The following ZNF253 variants were observed in gnomAD, a reference collection of about 807,000 sequenced individuals.
ZNF253 encodes zinc finger protein 253.
ZNF253 carries 8 observed loss-of-function variants against 11.9 expected under a neutral mutation model. The observed-to-expected ratio is 0.67, with a 90% CI of 0.40 to 1.22. The LOEUF is 1.22. Ranked by LOEUF, ZNF253 falls within the 50% of genes most tolerant of loss-of-function variation. The pLI is 0.01. For missense variants in ZNF253, 485 were observed against 586.9 expected, an observed-to-expected ratio of 0.83 and a Z score of 1.79; for synonymous variants, 194 against 194.9, an observed-to-expected ratio of 1.00 and a Z score of 0.04.
At chr19:19,872,577 A>ATATATATATATATATATATATATATATAT (rs1555777035) in intron 1 of ZNF253, among the ~76,000 whole-genome samples, 1 of 106,828 alleles carries the variant, frequency 9.4e-6, no homozygotes, top group African/African-American at 5.6e-5. Flanking sequence ...ATATATATAT[A>ATATATATATATATATATATATATATATAT]TATTATTATA....
At chr19:19,879,025 A>G (rs1185156971) in intron 2 of ZNF253, among the ~76,000 whole-genome samples, 2 of 152,216 alleles carry the variant, frequency 1.3e-5, no homozygotes, top group Non-Finnish European at 2.9e-5. Flanking sequence ...TAAAAATTTA[A>G]CCGATGGGAA....
Position 19,894,376 on chromosome 19 carries a change from G to GT in ZNF253, c.*1635dup, listed in dbSNP as rs1338284908. ...TGCTGCATTAGAGATATTAGAGATT[G>GT]TTTTTTATTAGTTGGGCATTATGTA... is the stretch of plus-strand genomic sequence containing the variant. On this transcript the variant is annotated 3_prime_UTR_variant, in exon 4 of 4. Transcript: ENST00000589717. The GT allele has an allele frequency of 6.6e-6, 1 of 152,184 alleles. No homozygotes were observed. Among genetic ancestry groups the GT allele is most frequent in the African/African-American group, 2.4e-5 (1 of 41,454 alleles). 9.4% of individuals were successfully genotyped at this position (152,184 alleles called of 1,614,324 possible). A position where few individuals can be genotyped will look rare whatever the true frequency, so the allele number is the denominator to read the frequency against.
intron 1 of ZNF253, among the ~76,000 whole-genome samples, chr19:19,868,572 A>G (rs900937252): frequency 4.0e-5 from 6 of 151,836 alleles, no homozygotes; most frequent in East Asian, 1.9e-4. Flanking sequence ...TTTTTTTATA[A>G]TATCTTTCTC....
intron 1 of ZNF253, among the ~76,000 whole-genome samples, chr19:19,876,265 G>C (rs182862722): frequency 4.0e-5 from 6 of 150,512 alleles, no homozygotes; most frequent in Admixed American, 1.3e-4. Flanking sequence ...ATTACATAAA[G>C]TGGAGTCAAA....
chr19:19,869,949 G>A (rs536450948), intron 1 of ZNF253, among the ~76,000 whole-genome samples: 1 of 151,948 alleles, frequency 6.6e-6, no homozygotes, highest in South Asian at 2.1e-4. Flanking sequence ...GGTATTACCG[G>A]TGTGAGCCAA....
Position 19,892,950 on chromosome 19 carries a change from G to A in ZNF253, c.*203G>A. ...AAGCCCTACAAGTGTGAAGAATGTG[G>A]CAAAACCTATAAACCTATAACAAGT... On this transcript the variant is annotated 3_prime_UTR_variant, in exon 4 of 4. Transcript: ENST00000589717. 7.0e-6 allele frequency: 4 copies of A among 569,068 alleles called. No homozygotes were observed. Among genetic ancestry groups the A allele is most frequent in the Non-Finnish European group, 1.2e-5 (4 of 329,196 alleles). The allele number at this position is 569,068 out of a possible 1,614,324, so 35.3% of individuals were successfully genotyped here.
At chr19:19,868,995 G>A (rs538257681) in intron 1 of ZNF253, among the ~76,000 whole-genome samples, 3 of 152,026 alleles carry the variant, frequency 2.0e-5, no homozygotes, top group East Asian at 1.9e-4. Context: ...TTATCTTTAT[G>A]TAGTACTTCA....
At chr19:19,869,863 A>G in intron 1 of ZNF253, among the ~76,000 whole-genome samples, 1 of 144,020 alleles carries the variant, frequency 6.9e-6, no homozygotes, top group East Asian at 2.1e-4. Context: ...TAGAGACAGG[A>G]TTTCACCATG....
At chr19:19,883,151 A>T (rs1455819051) in intron 3 of ZNF253, among the ~76,000 whole-genome samples, 1 of 152,026 alleles carries the variant, frequency 6.6e-6, no homozygotes, top group East Asian at 1.9e-4. Context: ...TATTTTTTCC[A>T]TGTGTTTAAT....
chr19:19,892,530 A>G lies in ZNF253; in HGVS notation c.1283A>G (p.Glu428Gly), dbSNP rs374031059. 42 of 1,613,924 alleles carry G rather than the reference A, an allele frequency of 2.6e-5. No individual in the cohort carries two copies. The African/African-American group carries it at 5.2e-4, about 20-fold the overall frequency. Reference sequence around the variant, plus strand: ...GGAGAGAAACCCTACAAATGTGAAGAATGTGGCAAATCCTTTACTGCATCC... The same window carrying G: ...GGAGAGAAACCCTACAAATGTGAAGGATGTGGCAAATCCTTTACTGCATCC... ...HTGEKPYKCE[E>G]CGKSFTASST... The change falls in exon 4 of 4, where the codon GAA becomes GGA. Residue 428 changes from glutamate (E) to glycine (G), a missense_variant. By Grantham distance (98) the Glu-to-Gly change is moderately conservative. Around this residue, in one of 3 missense-constraint regions of ZNF253, gnomAD observed 232 missense variants for 321.4 expected, o/e 0.72. Coordinates refer to ENST00000589717, the MANE Select transcript of ZNF253 (RefSeq NM_021047.3).
intron 3 of ZNF253, among the ~76,000 whole-genome samples, chr19:19,885,447 G>A (rs2063202805): frequency 6.7e-6 from 1 of 149,626 alleles, no homozygotes; most frequent in Non-Finnish European, 1.5e-5. Context: ...CTGGAGTTCA[G>A]TAGCGCAATC....
At chr19:19,881,734 ATTAGT>A (rs1404749221) in intron 3 of ZNF253, among the ~76,000 whole-genome samples, 1 of 151,214 alleles carries the variant, frequency 6.6e-6, no homozygotes, top group Non-Finnish European at 1.5e-5. Context: ...GACTGTATTT[ATTAGT>A]TTAGACAGGG....
At chr19:19,887,510 G>GACCAGATATCATTTTAT (rs2063211091) in intron 3 of ZNF253, among the ~76,000 whole-genome samples, 2 of 151,802 alleles carry the variant, frequency 1.3e-5, no homozygotes, top group African/African-American at 4.8e-5. Flanking sequence ...TGATGGCCGG[G>GACCAGATATCATTTTAT]CTGGTTTTGA....
At chr19:19,866,562 G>A (rs1293617436) in intron 1 of ZNF253, among the ~76,000 whole-genome samples, 1 of 150,914 alleles carries the variant, frequency 6.6e-6, no homozygotes, top group Non-Finnish European at 1.5e-5. Context: ...ACAATGGCGC[G>A]ATCTCGGCTC....
intron 1 of ZNF253, among the ~76,000 whole-genome samples, chr19:19,878,134 G>A (rs750700155): frequency 6.6e-6 from 1 of 152,002 alleles, no homozygotes; most frequent in Non-Finnish European, 1.5e-5. Flanking sequence ...TTTGAGAGGT[G>A]CCTTCTAACT....
At position 19,885,353 on chromosome 19, in the gene ZNF253, T is replaced by TCTTTCTTC. The variant is rs2063201385; in HGVS notation, c.226+5210_226+5211insTCTTCCTT. On this transcript the variant is annotated intron_variant, in intron 3 of 3. Coordinates refer to ENST00000589717, the MANE Select transcript of ZNF253 (RefSeq NM_021047.3). ...TTCTTTCTTTCTTTCTTTCTTTCTTTCTTCCTTTCTTTTCTTTCTTTTCTT... is the reference window on the plus strand; with the variant it reads ...TTCTTTCTTTCTTTCTTTCTTTCTTTCTTTCTTCCTTCCTTTCTTTTCTTTCTTTTCTT... 3.0e-5 allele frequency among the ~76,000 whole-genome samples: 2 copies of TCTTTCTTC among 66,882 alleles called. 1 individual carries two copies. The highest frequency in any genetic ancestry group is 4.8e-5 in the Non-Finnish European group (2 of 41,960). The allele number at this position is 66,882 out of a possible 152,430, so 43.9% of individuals were successfully genotyped here. A position where few individuals can be genotyped will look rare whatever the true frequency, so the allele number is the denominator to read the frequency against.
Position 19,871,819 on chromosome 19 carries a change from G to A in ZNF253, c.3+5820G>A, listed in dbSNP as rs1034926192. Among the ~76,000 whole-genome samples the A allele has an allele frequency of 2.0e-5, 3 of 152,198 alleles. 1 individual carries two copies. On this transcript the variant is annotated intron_variant, in intron 1 of 3. Coordinates refer to ENST00000589717, the MANE Select transcript of ZNF253 (RefSeq NM_021047.3). The stretch of plus-strand genomic sequence containing the variant: ...ACCATTTTCTTTCTTTTGTCTTATT[G>A]TGAAGATTTTCTGGGGCTGGAGGAA...
In ZNF253 at chr19:19,892,274, G is replaced by A; in HGVS notation, c.1027G>A (p.Glu343Lys). The A allele has an allele frequency of 6.2e-7, 1 of 1,613,116 alleles. No individual in the cohort carries two copies. The highest frequency in any genetic ancestry group is 8.5e-7 in the Non-Finnish European group (1 of 1,179,312). Residue 343 changes from glutamate (E) to lysine (K), a missense_variant, in exon 4 of 4, where the codon GAA becomes AAA. Glu to Lys is a moderately conservative substitution (Grantham distance 56). Around this residue, in one of 3 missense-constraint regions of ZNF253, gnomAD observed 232 missense variants for 321.4 expected, o/e 0.72. Transcript: ENST00000589717. ...TACAGGAGAGAAACCCTACAAATGT[G>A]AAGAATGTGGCAAAGCCTTTCACCT... ...IHTGEKPYKC[E>K]ECGKAFHLSS... is the part of the protein sequence containing the mutation.
chr19:19,882,476 G>A (rs1169439076), intron 3 of ZNF253, among the ~76,000 whole-genome samples: 1 of 152,004 alleles, frequency 6.6e-6, no homozygotes, highest in Non-Finnish European at 1.5e-5. Flanking sequence ...TTTATTTTTA[G>A]ACAGACCGAA....
Sources: allele counts gnomAD v4.1 joint callset (sites outside exome capture counted in the v4.1 genomes callset), GRCh38; gene constraint gnomAD v4.1.1; regional missense constraint gnomAD v4.1.1; transcripts MANE v1.5; gene names NCBI Gene and HGNC (gene_info 2026-07-23, HGNC 2026-07-21).